GALNTL6: variants seen among roughly 807,000 people sequenced by gnomAD.
The protein encoded by GALNTL6 is polypeptide N-acetylgalactosaminyltransferase like 6, also known as polypeptide N-acetylgalactosaminyltransferase-like 6.
A neutral mutation model predicts 73.7 loss-of-function variants in GALNTL6; 46 were observed. The ratio of observed to expected loss-of-function variants is 0.62; its 90% CI spans 0.49 to 0.80. The LOEUF is 0.80. GALNTL6 is among the 30% of genes least tolerant of loss of function. The pLI, the probability that GALNTL6 is intolerant of heterozygous loss-of-function variation, is 0.00. For missense variants in GALNTL6, 604 were observed against 755.0 expected, an observed-to-expected ratio of 0.80 and a Z score of 2.34; for synonymous variants, 259 against 263.7, an observed-to-expected ratio of 0.98 and a Z score of 0.17.
At chr4:172,248,829 G>A (rs771418296) in intron 3 of GALNTL6, among the ~76,000 whole-genome samples, 42 of 152,150 alleles carry the variant, frequency 2.8e-4, no homozygotes, top group Non-Finnish European at 4.7e-4. Flanking sequence ...GAAGAAGGAT[G>A]TGTTTGCTTG....
At chr4:172,572,536 T>C (rs1466978509) in intron 5 of GALNTL6, among the ~76,000 whole-genome samples, 2 of 152,096 alleles carry the variant, frequency 1.3e-5, no homozygotes, top group Non-Finnish European at 2.9e-5. Context: ...CCCTGAAAAT[T>C]GTCATCAGTT....
intron 2 of GALNTL6, among the ~76,000 whole-genome samples, chr4:172,036,432 T>C (rs1476204236): frequency 6.6e-6 from 1 of 152,112 alleles, no homozygotes; most frequent in Non-Finnish European, 1.5e-5. Flanking sequence ...TCATAAGAAT[T>C]TTTAGTGTAT....
intron 5 of GALNTL6, among the ~76,000 whole-genome samples, chr4:172,534,227 G>C (rs572630887): frequency 2.7e-4 from 41 of 152,304 alleles, no homozygotes; most frequent in African/African-American, 9.4e-4. Flanking sequence ...TGCTGGGGCA[G>C]AAGTGTTAAT....
chr4:172,973,929 C>T (rs959723470), intron 10 of GALNTL6, among the ~76,000 whole-genome samples: 9 of 152,132 alleles, frequency 5.9e-5, no homozygotes, highest in Non-Finnish European at 7.4e-5. Context: ...TGAGGAAGTA[C>T]GTAAAATAAT....
At chr4:171,868,223 A>G (rs1736025616) in intron 2 of GALNTL6, among the ~76,000 whole-genome samples, 1 of 151,912 alleles carries the variant, frequency 6.6e-6, no homozygotes, top group African/African-American at 2.4e-5. Flanking sequence ...TACTGGCCTC[A>G]AGCAATCCTC....
chr4:171,959,220 G>A (rs955052891), intron 2 of GALNTL6, among the ~76,000 whole-genome samples: 3 of 152,052 alleles, frequency 2.0e-5, no homozygotes, highest in African/African-American at 7.2e-5. Flanking sequence ...CTGAAATGCA[G>A]GAATTTTTTT....
intron 2 of GALNTL6, among the ~76,000 whole-genome samples, chr4:172,065,970 A>T (rs560467132): frequency 6.6e-6 from 1 of 152,258 alleles, no homozygotes; most frequent in African/African-American, 2.4e-5. Context: ...ACATGTGAGG[A>T]TTATCACAAT....
intron 5 of GALNTL6, among the ~76,000 whole-genome samples, chr4:172,679,257 C>T (rs1357859815): frequency 6.6e-6 from 1 of 151,944 alleles, no homozygotes; most frequent in Non-Finnish European, 1.5e-5. Context: ...ACTAAAAATA[C>T]AAAATTGGCC....
At chr4:172,375,808 A>C (rs1323403080) in intron 5 of GALNTL6, among the ~76,000 whole-genome samples, 6 of 152,146 alleles carry the variant, frequency 3.9e-5, no homozygotes, top group South Asian at 2.1e-4. Context: ...AGTGGCCCTT[A>C]CCAACGCATT....
intron 5 of GALNTL6, among the ~76,000 whole-genome samples, chr4:172,450,200 A>G (rs1272766110): frequency 1.4e-5 from 2 of 145,592 alleles, no homozygotes; most frequent in African/African-American, 5.1e-5. Flanking sequence ...CTGGGCAACA[A>G]GAGCGAAACT....
At chr4:172,851,429 C>T (rs939061905) in intron 7 of GALNTL6, among the ~76,000 whole-genome samples, 2 of 122,184 alleles carry the variant, frequency 1.6e-5, no homozygotes, top group Admixed American at 1.7e-4. Context: ...CACACACACA[C>T]ATATATATAT....
chr4:172,834,837 A>G (rs939224619), intron 7 of GALNTL6, among the ~76,000 whole-genome samples: 1 of 152,226 alleles, frequency 6.6e-6, no homozygotes, highest in Non-Finnish European at 1.5e-5. Context: ...GAGGAGAATG[A>G]CAAAACAATG....
At chr4:172,444,035 C>T (rs1466003666) in intron 5 of GALNTL6, among the ~76,000 whole-genome samples, 1 of 152,084 alleles carries the variant, frequency 6.6e-6, no homozygotes, top group Non-Finnish European at 1.5e-5. Flanking sequence ...CTTTGGTAAT[C>T]GAGGCAAGAG....
intron 5 of GALNTL6, among the ~76,000 whole-genome samples, chr4:172,556,780 A>G (rs115497904): frequency 0.018 from 2,669 of 151,810 alleles, 75 homozygotes; most frequent in African/African-American, 0.06. Flanking sequence ...AAAAAAAATT[A>G]CTGATTACTA....
chr4:172,660,143 C>A (rs1195455149), intron 5 of GALNTL6, among the ~76,000 whole-genome samples: 1 of 152,188 alleles, frequency 6.6e-6, no homozygotes, highest in Non-Finnish European at 1.5e-5. Flanking sequence ...ATTGGCTCAG[C>A]CAAGATCACA....
intron 5 of GALNTL6, among the ~76,000 whole-genome samples, chr4:172,671,484 T>C (rs975373102): frequency 2.6e-5 from 4 of 152,200 alleles, no homozygotes; most frequent in Admixed American, 2.6e-4. Flanking sequence ...CATATAGGAA[T>C]GCCAATAATT....
chr4:173,016,039 A>C (rs948279631), intron 11 of GALNTL6, among the ~76,000 whole-genome samples: 1 of 152,256 alleles, frequency 6.6e-6, no homozygotes, highest in Non-Finnish European at 1.5e-5. Context: ...CAGAGGGTGC[A>C]AGCCCCAAGC....
intron 5 of GALNTL6, among the ~76,000 whole-genome samples, chr4:172,560,624 C>T (rs1231765410): frequency 6.6e-6 from 1 of 152,194 alleles, no homozygotes; most frequent in Non-Finnish European, 1.5e-5. Flanking sequence ...TATTCTTATA[C>T]TTGACATTCC....
chr4:172,293,385 G>A (rs941258240), intron 3 of GALNTL6, among the ~76,000 whole-genome samples: 2 of 152,014 alleles, frequency 1.3e-5, no homozygotes, highest in African/African-American at 4.8e-5. Context: ...AAATTAAGAT[G>A]GCAATTGTTA....
Sources: allele counts gnomAD v4.1 joint callset (sites outside exome capture counted in the v4.1 genomes callset), GRCh38; gene constraint gnomAD v4.1.1; transcripts MANE v1.5; gene names NCBI Gene and HGNC (gene_info 2026-07-23, HGNC 2026-07-21).